The following ACACB variants were observed in gnomAD, a reference collection of about 807,000 sequenced individuals.
The protein encoded by ACACB is acetyl-CoA carboxylase 2.
Under a neutral mutation model 278.8 loss-of-function variants are expected in ACACB, and 209 were observed. That is an observed-to-expected ratio of 0.75 (90% CI 0.67 to 0.84). The LOEUF is 0.84. Among genes scored for constraint, ACACB ranks in the 40% least tolerant of loss-of-function variants. The probability of loss-of-function intolerance (pLI) is 0.00; values close to 1 mark genes in which losing one functional copy is unlikely to be tolerated. For missense variants in ACACB, 2,850 were observed against 3,269.0 expected (o/e 0.87, Z 3.13); for synonymous variants, 1,174 against 1,285.6 (o/e 0.91, Z 1.86).
At chr12:109,145,183 C>T (rs1024527904) in intron 2 of ACACB, among the ~76,000 whole-genome samples, 29 of 152,076 alleles carry the variant, frequency 1.9e-4, no homozygotes, top group Non-Finnish European at 1.5e-5. Flanking sequence ...GAAAACTGGT[C>T]AGTTTCAAAG....
intron 1 of ACACB, among the ~76,000 whole-genome samples, chr12:109,122,971 G>A (rs1175979724): frequency 1.3e-5 from 2 of 151,996 alleles, no homozygotes; most frequent in African/African-American, 4.8e-5. Context: ...CACGAGGTCA[G>A]GAGATCGAGA....
intron 2 of ACACB, among the ~76,000 whole-genome samples, chr12:109,164,276 A>G (rs1292837307): frequency 6.6e-6 from 1 of 152,206 alleles, no homozygotes; most frequent in East Asian, 1.9e-4. Flanking sequence ...TCTGTCGCCC[A>G]GGCTGGAGTC....
chr12:109,208,405 G>T (rs932373278), intron 20 of ACACB, among the ~76,000 whole-genome samples: 1 of 151,358 alleles, frequency 6.6e-6, no homozygotes, highest in Non-Finnish European at 1.5e-5. Context: ...ACGGGGTCTC[G>T]CCATGTTGCC....
rs2045729927 is a variant in ACACB at position 109,210,222 on chromosome 12, TGTGTGTATATGTATATATGTATATATA to T, written c.3249+870_3249+896del. On this transcript the variant is annotated intron_variant, in intron 21 of 52. Transcript: ENST00000338432. ...ATGTATATATGTATATATACACACA[TGTGTGTATATGTATATATGTATATATA>T]CACACATGTGTGTATATGTACATAT... is the stretch of plus-strand genomic sequence containing the variant. Among the ~76,000 whole-genome samples, 45 of 11,602 alleles carry T rather than the reference TGTGTGTATATGTATATATGTATATATA, an allele frequency of 3.9e-3. 10 individuals are homozygous for T. Among genetic ancestry groups the T allele is most frequent in the Non-Finnish European group, 5.3e-3 (39 of 7,342 alleles). 7.6% of individuals were successfully genotyped at this position (11,602 alleles called of 152,430 possible). A position where few individuals can be genotyped will look rare whatever the true frequency, so the allele number is the denominator to read the frequency against.
At chr12:109,139,257 G>A (rs1290244968) in intron 1 of ACACB, 140 bp from the exon 2 acceptor site, 2 of 760,330 alleles carry the variant, frequency 2.6e-6, no homozygotes, top group African/African-American at 1.8e-5. Flanking sequence ...GCAGAGCAGG[G>A]AGGAGAACCC....
intron 2 of ACACB, among the ~76,000 whole-genome samples, chr12:109,162,532 G>A (rs75855693): frequency 5.7e-4 from 87 of 152,232 alleles, no homozygotes; most frequent in African/African-American, 2.1e-3. Context: ...TGTCCACTTC[G>A]ACCCCAACAG....
chr12:109,184,550 T>C (rs552320180), intron 11 of ACACB, among the ~76,000 whole-genome samples: 1 of 152,324 alleles, frequency 6.6e-6, no homozygotes, highest in African/African-American at 2.4e-5. Context: ...TTCCCTGTTG[T>C]TCCAATAATG....
At chr12:109,240,054 A>G in intron 35 of ACACB, 69 bp downstream of exon 35, 1 of 1,536,600 alleles carries the variant, frequency 6.5e-7, no homozygotes, top group Non-Finnish European at 8.8e-7. Flanking sequence ...GCTTTGGGGT[A>G]TTGTCTCTTG....
At chr12:109,116,913 A>G (rs1484274892) in intron 1 of ACACB, among the ~76,000 whole-genome samples, 2 of 152,206 alleles carry the variant, frequency 1.3e-5, no homozygotes, top group Non-Finnish European at 2.9e-5. Flanking sequence ...CTTTGCTTCT[A>G]TAAATGGTGG....
At chr12:109,234,258 A>C (rs2046567242) in intron 31 of ACACB, among the ~76,000 whole-genome samples, 1 of 152,188 alleles carries the variant, frequency 6.6e-6, no homozygotes, top group Non-Finnish European at 1.5e-5. Context: ...ACGGTGTTGC[A>C]ATGATTCAAT....
At chr12:109,194,504 GTGTGTGCA>G (rs1166245227) in intron 16 of ACACB, among the ~76,000 whole-genome samples, 2 of 64,622 alleles carry the variant, frequency 3.1e-5, no homozygotes, top group African/African-American at 9.3e-5. Flanking sequence ...CTCTGCCTCT[GTGTGTGCA>G]TGTGTGTGTG....
At chr12:109,224,279 C>T (rs999828843) in intron 27 of ACACB, among the ~76,000 whole-genome samples, 5 of 152,030 alleles carry the variant, frequency 3.3e-5, no homozygotes, top group South Asian at 2.1e-4. Flanking sequence ...TTCTGACTCA[C>T]GTGCATTAAA....
intron 1 of ACACB, among the ~76,000 whole-genome samples, chr12:109,116,932 C>T (rs1050446241): frequency 2.6e-5 from 4 of 151,100 alleles, no homozygotes; most frequent in African/African-American, 7.3e-5. Context: ...GGTGTGGATC[C>T]CTGGACATGC....
intron 1 of ACACB, among the ~76,000 whole-genome samples, chr12:109,126,893 T>C (rs926821284): frequency 1.4e-4 from 21 of 152,124 alleles, no homozygotes; most frequent in African/African-American, 4.8e-4. Flanking sequence ...CTCTTAAATA[T>C]GTTTTGCTCC....
rs534560643 is a variant in ACACB, at chr12:109,247,674, T to A, written c.5640T>A (p.Cys1880Ter). The change falls in exon 40 of 53, where the codon TGT becomes TGA. Residue 1880 changes from cysteine (C) to a stop codon, truncating the protein, a stop_gained. Coordinates refer to ENST00000338432, the MANE Select transcript of ACACB (RefSeq NM_001093.4). LOFTEE classifies it high-confidence loss of function. ...TRISSLNSVHCKHIEEGGESR... is the reference protein window; with the variant it reads ...TRISSLNSVH ...TCAGCTCCCTGAACTCCGTCCACTG[T>A]AAACACATCGAGGAAGGAGGAGAGT... The A allele has an allele frequency of 1.2e-6, 2 of 1,613,918 alleles. No homozygotes were observed. Among genetic ancestry groups the A allele is most frequent in the South Asian group, 2.2e-5 (2 of 91,078 alleles).
rs760213654 is a variant in ACACB, at chr12:109,227,287, C to T, written c.3883-84C>T. 69 of 1,191,186 alleles carry T rather than the reference C, an allele frequency of 5.8e-5. No individual in the cohort carries two copies. In the Middle Eastern group the frequency reaches 9.6e-4, roughly 17 times the overall value. The allele number at this position is 1,191,186 out of a possible 1,614,324, so 73.8% of individuals were successfully genotyped here. Reference sequence around the variant, plus strand: ...GATATTTTAGAGGTCATTTCTGGTACCTGTTCCCCGTGAGTGCCCTCAGCT... The same window carrying T: ...GATATTTTAGAGGTCATTTCTGGTATCTGTTCCCCGTGAGTGCCCTCAGCT... On this transcript the variant is annotated intron_variant, in intron 27 of 52. Coordinates refer to ENST00000338432, the MANE Select transcript of ACACB (RefSeq NM_001093.4).
At chr12:109,188,258 C>A in intron 13 of ACACB, 96 bp downstream of exon 13, 1 of 1,296,276 alleles carries the variant, frequency 7.7e-7, no homozygotes, top group Non-Finnish European at 1.1e-6. Flanking sequence ...TCCCCTCTTC[C>A]TTCCCTCTTT....
intron 1 of ACACB, among the ~76,000 whole-genome samples, chr12:109,133,861 A>AT (rs1236378780): frequency 3.0e-4 from 14 of 46,338 alleles, no homozygotes; most frequent in South Asian, 2.7e-3. Flanking sequence ...ATATATATAT[A>AT]TATTTTTTTT....
At chr12:109,152,738 G>C (rs1009261308) in intron 2 of ACACB, among the ~76,000 whole-genome samples, 6 of 140,740 alleles carry the variant, frequency 4.3e-5, no homozygotes, top group Admixed American at 1.6e-4. Flanking sequence ...TCAGCTACCT[G>C]GGCTCAGGTA....
Sources: gnomAD v4.1 joint callset for allele counts (sites outside exome capture counted in the v4.1 genomes callset) on GRCh38, gnomAD v4.1.1 for gene constraint, MANE v1.5 for transcripts, NCBI Gene and HGNC (gene_info 2026-07-23, HGNC 2026-07-21) for gene names.